The following COX7A2 variants were observed in gnomAD, a reference collection of about 807,000 sequenced individuals.
The protein encoded by COX7A2 is cytochrome c oxidase subunit 7A2, mitochondrial.
COX7A2 carries 11 observed loss-of-function variants against 11.6 expected under a neutral mutation model. The ratio of observed to expected loss-of-function variants is 0.95; its 90% CI spans 0.60 to 1.57. The LOEUF is 1.57. Among genes scored for constraint, COX7A2 ranks in the 40% most tolerant of loss-of-function variants. The pLI, the probability that COX7A2 is intolerant of heterozygous loss-of-function variation, is 0.00. For synonymous variants in COX7A2, 30 were observed against 38.2 expected, an observed-to-expected ratio of 0.78 and a Z score of 0.79; for missense variants, 106 against 100.9, an observed-to-expected ratio of 1.05 and a Z score of -0.22.
chr6:75,248,992 TC>T (rs949509895), intron 1 of COX7A2, among the ~76,000 whole-genome samples: 1 of 152,196 alleles, frequency 6.6e-6, no homozygotes, highest in African/African-American at 2.4e-5. Context: ...GATTATAGCC[TC>T]ACCCCTGTAA....
intron 3 of COX7A2, among the ~76,000 whole-genome samples, chr6:75,238,190 G>A (rs1026943678): frequency 1.3e-5 from 2 of 151,536 alleles, no homozygotes; most frequent in Admixed American, 1.3e-4. Flanking sequence ...AGAAAGTGTG[G>A]CACAATAATA....
At chr6:75,246,545 T>C (rs1771685562), upstream of COX7A2, among the ~76,000 whole-genome samples, 1 of 152,192 alleles carries the variant, frequency 6.6e-6, no homozygotes, top group Non-Finnish European at 1.5e-5. Context: ...TTTTAAGAAC[T>C]TAAGCTGGAT....
chr6:75,247,337 G>A (rs1771701125), upstream of COX7A2, among the ~76,000 whole-genome samples: 1 of 152,128 alleles, frequency 6.6e-6, no homozygotes. Context: ...TTGGTTGTGT[G>A]TGTGTGCGTA....
intron 3 of COX7A2, among the ~76,000 whole-genome samples, chr6:75,238,481 G>T (rs1274433701): frequency 1.3e-5 from 2 of 151,924 alleles, no homozygotes; most frequent in East Asian, 3.9e-4. Context: ...GCCGAGGCGG[G>T]CGGATCACCT....
intron 3 of COX7A2, among the ~76,000 whole-genome samples, chr6:75,238,942 G>C (rs1471645490): frequency 6.6e-6 from 1 of 151,778 alleles, no homozygotes; most frequent in Non-Finnish European, 1.5e-5. Context: ...AGCTTCACGA[G>C]TAGCTGGGAT....
Position 75,243,179 on chromosome 6 carries a change from G to A in COX7A2, c.18+538C>T, listed in dbSNP as rs570490846. On this transcript the variant is annotated intron_variant, in intron 1 of 3. Coordinates refer to ENST00000684430, the MANE Select transcript of COX7A2 (RefSeq NM_001366293.2). Reference sequence around the variant, plus strand: ...ATTTCACATGCTCAAAGTCGATGGAGGGGTGAAGGACAATGCACAATCGCC... The same window carrying A: ...ATTTCACATGCTCAAAGTCGATGGAAGGGTGAAGGACAATGCACAATCGCC... Among the ~76,000 whole-genome samples, 37 of 152,276 alleles carry A rather than the reference G, an allele frequency of 2.4e-4. 1 individual carries two copies. Among genetic ancestry groups the A allele is most frequent in the South Asian group, 2.1e-3 (10 of 4,820 alleles).
At chr6:75,247,799 C>T (rs983175775), upstream of COX7A2, among the ~76,000 whole-genome samples, 7 of 152,110 alleles carry the variant, frequency 4.6e-5, no homozygotes, top group African/African-American at 1.7e-4. Context: ...TATATTATGA[C>T]TTACTTTCCC....
chr6:75,245,254 G>A (rs240424), upstream of COX7A2, among the ~76,000 whole-genome samples: 134,358 of 152,186 alleles, frequency 0.88, 59,863 homozygotes, highest in Non-Finnish European at 0.95. Flanking sequence ...TACTTTGGGA[G>A]GCCGAGGCGG....
chr6:75,246,762 CTCAT>C (rs1265376813), upstream of COX7A2, among the ~76,000 whole-genome samples: 1 of 152,188 alleles, frequency 6.6e-6, no homozygotes, highest in East Asian at 1.9e-4. Context: ...CCCAGGGTTC[CTCAT>C]TCATTATCTT....
chr6:75,248,092 T>C (rs1305376963), upstream of COX7A2, among the ~76,000 whole-genome samples: 5 of 1,044 alleles, frequency 4.8e-3, 1 homozygote, highest in Non-Finnish European at 0.018. Context: ...TTTTTTTTTT[T>C]TTTTTTTTTT....
chr6:75,243,684 C>G (rs1394800680), intron 1 of COX7A2, 33 bp downstream of exon 1: 5 of 1,601,418 alleles, frequency 3.1e-6, no homozygotes, highest in Non-Finnish European at 4.3e-6. Context: ...CTCCCTCGCC[C>G]CCATCATGAA....
At chr6:75,241,917 A>T (rs979687423) in intron 1 of COX7A2, 24 of 154,532 alleles carry the variant, frequency 1.6e-4, no homozygotes, top group African/African-American at 5.3e-4. Flanking sequence ...ATTGCACTCC[A>T]GCCTGGGCAA....
At chr6:75,245,490 C>A (rs375677543), upstream of COX7A2, among the ~76,000 whole-genome samples, 342 of 132,378 alleles carry the variant, frequency 2.6e-3, no homozygotes, top group Admixed American at 2.9e-3. Context: ...GACTTCATAT[C>A]AAAAAAAAAA....
At chr6:75,246,891 T>C (rs1771691060), upstream of COX7A2, among the ~76,000 whole-genome samples, 1 of 152,188 alleles carries the variant, frequency 6.6e-6, no homozygotes, top group Non-Finnish European at 1.5e-5. Context: ...ATTACCACAT[T>C]TTAAAATTCA....
At chr6:75,244,375 C>T (rs1771633958), upstream of COX7A2, among the ~76,000 whole-genome samples, 1 of 152,150 alleles carries the variant, frequency 6.6e-6, no homozygotes, top group Admixed American at 6.5e-5. Flanking sequence ...AGTTCTTCCA[C>T]AGTGTCCCCA....
intron 1 of COX7A2, among the ~76,000 whole-genome samples, chr6:75,249,183 G>A (rs555925931): frequency 2.0e-4 from 31 of 152,330 alleles, no homozygotes; most frequent in Non-Finnish European, 2.5e-4. Flanking sequence ...GTTGCAGTGA[G>A]CCAAGATCAC....
At chr6:75,243,996 T>A, upstream of COX7A2, 1 of 587,900 alleles carries the variant, frequency 1.7e-6, no homozygotes, top group South Asian at 2.0e-5. Flanking sequence ...GGCTGGTCCC[T>A]GGAGCTAAGG....
At chr6:75,238,282 C>A (rs1771376603) in intron 3 of COX7A2, among the ~76,000 whole-genome samples, 1 of 151,796 alleles carries the variant, frequency 6.6e-6, no homozygotes, top group South Asian at 2.1e-4. Context: ...TAACCCAAGA[C>A]TGCCTGAGAA....
chr6:75,239,873 G>A (rs1246439973), intron 3 of COX7A2, among the ~76,000 whole-genome samples: 3 of 152,190 alleles, frequency 2.0e-5, no homozygotes, highest in Non-Finnish European at 4.4e-5. Flanking sequence ...AGGCTGTGGC[G>A]GGCAGATCAC....
Sources: gnomAD v4.1 joint callset for allele counts (sites outside exome capture counted in the v4.1 genomes callset) on GRCh38, gnomAD v4.1.1 for gene constraint, MANE v1.5 for transcripts, NCBI Gene and HGNC (gene_info 2026-07-23, HGNC 2026-07-21) for gene names.